ADGRA3: variants seen among roughly 807,000 people sequenced by gnomAD.
ADGRA3 encodes G-protein coupled receptor 125.
ADGRA3 carries 56 observed loss-of-function variants against 119.8 expected under a neutral mutation model. The ratio of observed to expected loss-of-function variants is 0.47; its 90% CI spans 0.38 to 0.58. The LOEUF (loss-of-function observed/expected upper bound fraction) is 0.58, where lower values mean the gene tolerates loss of function less well. Ranked by LOEUF, ADGRA3 falls within the 20% of genes least tolerant of loss-of-function variation. The probability of loss-of-function intolerance (pLI) is 0.00; values close to 1 mark genes in which losing one functional copy is unlikely to be tolerated. For missense variants in ADGRA3, 1,516 were observed against 1,649.0 expected (o/e 0.92, Z 1.40); for synonymous variants, 607 against 623.8 (o/e 0.97, Z 0.40).
chr4:22,416,440 C>T (rs966876388), intron 12 of ADGRA3, among the ~76,000 whole-genome samples: 22 of 152,140 alleles, frequency 1.4e-4, no homozygotes, highest in Non-Finnish European at 2.5e-4. Flanking sequence ...GTTCCAGCCT[C>T]ACCACTTAGC....
At chr4:22,395,639 A>G (rs762479025) in intron 16 of ADGRA3, among the ~76,000 whole-genome samples, 11 of 152,174 alleles carry the variant, frequency 7.2e-5, no homozygotes, top group Non-Finnish European at 1.5e-4. Flanking sequence ...TACGGTGTCC[A>G]CTACTAAGTA....
intron 1 of ADGRA3, among the ~76,000 whole-genome samples, chr4:22,512,649 C>A (rs1210531107): frequency 6.6e-6 from 1 of 152,146 alleles, no homozygotes; most frequent in Non-Finnish European, 1.5e-5. Context: ...CAATGGAAGG[C>A]AGATGCGGAG....
Position 22,413,181 on chromosome 4 carries a change from C to T in ADGRA3, c.2232+1G>A. On this transcript the variant is annotated splice_donor_variant, in intron 14 of 18. Transcript: ENST00000334304. LOFTEE classifies it high-confidence loss of function. ...ATGCATAAAGTTAACAACTGCCATA[C>T]CATTAAAACTGCATAGTTACTAAGG... 1 of 1,604,204 alleles carries T rather than the reference C, an allele frequency of 6.2e-7. No individual in the cohort carries two copies.
chr4:22,388,059 GTTCTGCACGCT>G lies in ADGRA3; in HGVS notation c.3601_3611del (p.Ser1201ArgfsTer4). 6.2e-7 allele frequency: 1 copy of G among 1,614,112 alleles called. No homozygotes were observed. The highest frequency in any genetic ancestry group is 1.1e-5 in the South Asian group (1 of 91,088). On this transcript the variant is annotated frameshift_variant, in exon 19 of 19. Transcript: ENST00000334304. LOFTEE classifies it low-confidence loss of function (END_TRUNC). ...TGCCCAGCCGGCTTTTAGGTAAGCC[GTTCTGCACGCT>G]TCCTTCCACGCTCGTTGGGACATCG...
intron 1 of ADGRA3, among the ~76,000 whole-genome samples, chr4:22,492,695 G>C (rs1318469092): frequency 6.6e-6 from 1 of 151,998 alleles, no homozygotes; most frequent in Non-Finnish European, 1.5e-5. Flanking sequence ...TGTGGTAAAT[G>C]ACATTCTCAC....
chr4:22,428,064 A>G (rs1047436178), intron 10 of ADGRA3, among the ~76,000 whole-genome samples: 1 of 152,334 alleles, frequency 6.6e-6, no homozygotes, highest in South Asian at 2.1e-4. Flanking sequence ...TATCAAAATT[A>G]GGTCAAAAAC....
chr4:22,413,106 A>AAAAAAAT, intron 14 of ADGRA3, 76 bp downstream of exon 14: 1 of 1,144,654 alleles, frequency 8.7e-7, no homozygotes, highest in Non-Finnish European at 1.3e-6. Flanking sequence ...AAACAAAAAA[A>AAAAAAAT]CACTTCATTT....
chr4:22,408,707 C>A (rs1715056702), intron 14 of ADGRA3, among the ~76,000 whole-genome samples: 1 of 152,112 alleles, frequency 6.6e-6, no homozygotes, highest in African/African-American at 2.4e-5. Flanking sequence ...ACCAACATAA[C>A]CACTTTGGTC....
chr4:22,469,874 C>T (rs1717794739), intron 2 of ADGRA3, among the ~76,000 whole-genome samples: 1 of 152,178 alleles, frequency 6.6e-6, no homozygotes, highest in South Asian at 2.1e-4. Flanking sequence ...CATTCCACCA[C>T]AAACTCGCAG....
Position 22,482,952 on chromosome 4 carries a change from T to C in ADGRA3, c.258-9109A>G, listed in dbSNP as rs193245398. On this transcript the variant is annotated intron_variant, in intron 1 of 18. Coordinates refer to ENST00000334304, the MANE Select transcript of ADGRA3 (RefSeq NM_145290.4). The stretch of plus-strand genomic sequence containing the variant: ...CTCCGTCAATTTTCAAGCAGAGTCA[T>C]GCACTTTGCAGGCAGTCCCCAGCCA... Among the ~76,000 whole-genome samples the C allele has an allele frequency of 1.5e-3, 224 of 152,278 alleles. 1 individual carries two copies. The highest frequency in any genetic ancestry group is 5.1e-3 in the African/African-American group (210 of 41,564).
intron 1 of ADGRA3, among the ~76,000 whole-genome samples, chr4:22,513,553 A>G (rs1048973325): frequency 1.4e-4 from 21 of 149,824 alleles, no homozygotes; most frequent in Admixed American, 3.3e-4. Flanking sequence ...ACTCTGTTAC[A>G]TAGGCTGGAG....
intron 4 of ADGRA3, among the ~76,000 whole-genome samples, chr4:22,454,462 T>C (rs1489520040): frequency 1.3e-5 from 2 of 152,182 alleles, no homozygotes. Context: ...CCCACCTTCA[T>C]GTATCATTAG....
chr4:22,448,615 C>T (rs1324648766), intron 4 of ADGRA3, among the ~76,000 whole-genome samples: 1 of 152,148 alleles, frequency 6.6e-6, no homozygotes, highest in Non-Finnish European at 1.5e-5. Context: ...GAGAAGAGAA[C>T]TGATCAGGAA....
chr4:22,497,317 GTGTATT>G (rs1010253472), intron 1 of ADGRA3, among the ~76,000 whole-genome samples: 4 of 151,972 alleles, frequency 2.6e-5, no homozygotes, highest in African/African-American at 9.7e-5. Flanking sequence ...GTGTATGTGT[GTGTATT>G]TGTATACACA....
chr4:22,505,814 G>A (rs1265325555), intron 1 of ADGRA3, among the ~76,000 whole-genome samples: 1 of 152,100 alleles, frequency 6.6e-6, no homozygotes, highest in Non-Finnish European at 1.5e-5. Flanking sequence ...AAGGCAAGAG[G>A]TGAAGCTCTA....
At chr4:22,486,931 G>T (rs563882997) in intron 1 of ADGRA3, among the ~76,000 whole-genome samples, 2 of 152,252 alleles carry the variant, frequency 1.3e-5, no homozygotes, top group South Asian at 4.1e-4. Flanking sequence ...ACTTAAAGCA[G>T]GCCCTATGAC....
intron 12 of ADGRA3, chr4:22,414,551 C>A: frequency 1.5e-6 from 1 of 682,990 alleles, no homozygotes; most frequent in Non-Finnish European, 2.6e-6. Context: ...ATTGTACAAT[C>A]TTTTTCTTGG....
In ADGRA3 at chr4:22,388,420, C is replaced by G. The variant is rs138696398; in HGVS notation, c.3251G>C (p.Gly1084Ala). ...GCTATTGGGGCATTTGGGTGCCTCT[C>G]CATTCGTCCCATTAGAGTTGGGGGG... ...VQPPNSNGTNGEAPKCPNSSA... is the reference protein window; with the variant it reads ...VQPPNSNGTNAEAPKCPNSSA... Residue 1084 changes from glycine to alanine, a missense_variant, in exon 19 of 19, where the codon GGA becomes GCA. By Grantham distance (60) the Gly-to-Ala change is moderately conservative. This residue lies in a region of ADGRA3 where 1,088 missense variants were observed against 1,107.1 expected (regional missense o/e 0.98). Transcript: ENST00000334304. The G allele has an allele frequency of 6.2e-7, 1 of 1,614,056 alleles. No homozygotes were observed. The highest frequency in any genetic ancestry group is 1.1e-5 in the South Asian group (1 of 91,078).
chr4:22,470,507 T>TG (rs1264200161), intron 2 of ADGRA3, among the ~76,000 whole-genome samples: 14 of 152,298 alleles, frequency 9.2e-5, no homozygotes, highest in African/African-American at 3.4e-4. Context: ...ACCTTTATTC[T>TG]GTATGACTTG....
Sources: allele counts gnomAD v4.1 joint callset (sites outside exome capture counted in the v4.1 genomes callset), GRCh38; gene constraint gnomAD v4.1.1; regional missense constraint gnomAD v4.1.1; transcripts MANE v1.5; gene names NCBI Gene and HGNC (gene_info 2026-07-23, HGNC 2026-07-21).